Variants in SYT1 observed in about 807,000 individuals in gnomAD.
SYT1 encodes the protein synaptotagmin-1.
SYT1 carries 8 observed loss-of-function variants against 44.8 expected under a neutral mutation model. The ratio of observed to expected loss-of-function variants is 0.18; its 90% CI spans 0.10 to 0.32. The LOEUF is 0.32. Among genes scored for constraint, SYT1 ranks in the 10% least tolerant of loss-of-function variants. The pLI, the probability that SYT1 is intolerant of heterozygous loss-of-function variation, is 1.00. For synonymous variants in SYT1, 154 were observed against 188.8 expected, an observed-to-expected ratio of 0.82 and a Z score of 1.51; for missense variants, 286 against 509.3, an observed-to-expected ratio of 0.56 and a Z score of 4.22.
chr12:79,356,534 T>G (rs1883119931), intron 9 of SYT1, among the ~76,000 whole-genome samples: 1 of 152,190 alleles, frequency 6.6e-6, no homozygotes, highest in Non-Finnish European at 1.5e-5. Context: ...AGCACTTGGA[T>G]GGTCTGTCTC....
chr12:79,021,061 T>G (rs946887506), intron 2 of SYT1, among the ~76,000 whole-genome samples: 1 of 151,546 alleles, frequency 6.6e-6, no homozygotes, highest in African/African-American at 2.4e-5. Context: ...TATTTTTAAT[T>G]TTCATGTAAA....
chr12:79,164,168 T>A (rs961307740), intron 3 of SYT1, among the ~76,000 whole-genome samples: 3 of 152,104 alleles, frequency 2.0e-5, no homozygotes, highest in African/African-American at 7.2e-5. Context: ...CAAATCAGTT[T>A]TACTTTTTAA....
At chr12:79,352,214 G>T (rs1882939937) in intron 8 of SYT1, among the ~76,000 whole-genome samples, 2 of 151,820 alleles carry the variant, frequency 1.3e-5, no homozygotes, top group African/African-American at 4.8e-5. Context: ...AAACGGGGGG[G>T]AATTACATTT....
intron 9 of SYT1, among the ~76,000 whole-genome samples, chr12:79,377,703 C>T (rs1467771116): frequency 6.6e-6 from 1 of 152,126 alleles, no homozygotes; most frequent in Non-Finnish European, 1.5e-5. Context: ...GTATAAACAA[C>T]TTAGCTTCCC....
At chr12:78,962,162 T>G (rs2137344702) in intron 1 of SYT1, among the ~76,000 whole-genome samples, 1 of 152,252 alleles carries the variant, frequency 6.6e-6, no homozygotes, top group East Asian at 1.9e-4. Context: ...CACACAAGTT[T>G]GGGTCACTCA....
At chr12:78,943,262 T>C (rs1878479680) in intron 1 of SYT1, among the ~76,000 whole-genome samples, 1 of 152,120 alleles carries the variant, frequency 6.6e-6, no homozygotes, top group Admixed American at 6.6e-5. Context: ...GGGTAATTTA[T>C]AAAGAAAAGA....
chr12:79,346,103 A>G (rs1370775150), intron 8 of SYT1, among the ~76,000 whole-genome samples: 2 of 152,196 alleles, frequency 1.3e-5, no homozygotes, highest in Admixed American at 6.5e-5. Context: ...ACTTAGCCCC[A>G]TTTGCAAAGG....
At chr12:79,032,881 A>G (rs1179254441) in intron 2 of SYT1, among the ~76,000 whole-genome samples, 1 of 151,296 alleles carries the variant, frequency 6.6e-6, no homozygotes, top group East Asian at 1.9e-4. Context: ...ATTGAAAAAC[A>G]AAGCAAAAAA....
intron 3 of SYT1, among the ~76,000 whole-genome samples, chr12:79,072,731 G>T (rs1489640927): frequency 6.6e-6 from 1 of 152,088 alleles, no homozygotes; most frequent in Non-Finnish European, 1.5e-5. Context: ...AACAAGATGA[G>T]AATTAAGGAT....
At chr12:79,166,880 A>G (rs2138332504) in intron 3 of SYT1, among the ~76,000 whole-genome samples, 1 of 152,202 alleles carries the variant, frequency 6.6e-6, no homozygotes, top group African/African-American at 2.4e-5. Context: ...TAAATCATTT[A>G]AATTTAATTC....
chr12:79,228,211 C>T (rs1875644277), intron 4 of SYT1, among the ~76,000 whole-genome samples: 1 of 152,010 alleles, frequency 6.6e-6, no homozygotes, highest in African/African-American at 2.4e-5. Context: ...CCCTACTTTA[C>T]CTCTCCCATC....
intron 3 of SYT1, among the ~76,000 whole-genome samples, chr12:79,111,469 CATAATA>C (rs1879007419): frequency 6.6e-6 from 1 of 151,912 alleles, no homozygotes; most frequent in South Asian, 2.1e-4. Context: ...TTCATCTTAA[CATAATA>C]ATAAGTTGTA....
chr12:79,426,423 C>G (rs1044231573), intron 9 of SYT1, among the ~76,000 whole-genome samples: 10 of 152,116 alleles, frequency 6.6e-5, no homozygotes, highest in Admixed American at 5.9e-4. Flanking sequence ...TATTTCACAG[C>G]CTTTAATTAG....
intron 9 of SYT1, among the ~76,000 whole-genome samples, chr12:79,379,415 G>A (rs1305999178): frequency 7.2e-5 from 11 of 152,170 alleles, no homozygotes; most frequent in Non-Finnish European, 1.5e-5. Flanking sequence ...ACCATTCCAA[G>A]GAGTCCTCTG....
intron 1 of SYT1, among the ~76,000 whole-genome samples, chr12:78,932,955 T>C (rs1459882960): frequency 2.6e-5 from 4 of 152,112 alleles, no homozygotes; most frequent in African/African-American, 7.2e-5. Context: ...AAAAACTAAG[T>C]TCTAAAAAAG....
At chr12:79,343,958 G>A (rs192915661) in intron 8 of SYT1, among the ~76,000 whole-genome samples, 40 of 152,232 alleles carry the variant, frequency 2.6e-4, no homozygotes, top group African/African-American at 8.9e-4. Flanking sequence ...CACAAACTCC[G>A]TGGCTTAAAA....
intron 3 of SYT1, among the ~76,000 whole-genome samples, chr12:79,065,659 T>C (rs1323821089): frequency 6.6e-6 from 1 of 152,174 alleles, no homozygotes. Context: ...TATTATATTA[T>C]CTTGAAACCC....
intron 8 of SYT1, among the ~76,000 whole-genome samples, chr12:79,310,320 T>C (rs1880708168): frequency 6.6e-6 from 1 of 152,126 alleles, no homozygotes; most frequent in Admixed American, 6.5e-5. Flanking sequence ...AAAGATCAGA[T>C]AGTTGTAGAT....
intron 1 of SYT1, among the ~76,000 whole-genome samples, chr12:78,974,734 C>G (rs1365765144): frequency 6.6e-6 from 1 of 152,116 alleles, no homozygotes. Flanking sequence ...CCGCCCCCGG[C>G]CCTGAAAATT....
Sources: allele counts gnomAD v4.1 joint callset (sites outside exome capture counted in the v4.1 genomes callset), GRCh38; gene constraint gnomAD v4.1.1; transcripts MANE v1.5; gene names NCBI Gene and HGNC (gene_info 2026-07-23, HGNC 2026-07-21).